The following JAK2 variants were observed in gnomAD, a reference collection of about 807,000 sequenced individuals.
JAK2 encodes the protein Janus kinase 2.
In JAK2, 86 loss-of-function variants were observed where a neutral mutation model predicts 139.3. The observed-to-expected ratio is 0.62, with a 90% confidence interval of 0.52 to 0.74. The LOEUF (loss-of-function observed/expected upper bound fraction) is 0.74. Among genes scored for constraint, JAK2 ranks in the 30% least tolerant of loss-of-function variants. The pLI is 0.00. For missense variants in JAK2, 1,421 were observed against 1,360.3 expected, an observed-to-expected ratio of 1.04 and a Z score of -0.70; for synonymous variants, 490 against 437.7, an observed-to-expected ratio of 1.12 and a Z score of -1.49.
At chr9:5,044,578 A>G in intron 5 of JAK2, 58 bp downstream of exon 5, 5 of 1,090,034 alleles carry the variant, frequency 4.6e-6, no homozygotes, top group Non-Finnish European at 6.7e-6. Flanking sequence ...TTGCTGTTTA[A>G]TAAGTCACTT....
At chr9:5,039,932 A>G (rs1816359360) in intron 4 of JAK2, among the ~76,000 whole-genome samples, 2 of 152,228 alleles carry the variant, frequency 1.3e-5, no homozygotes, top group Admixed American at 1.3e-4. Context: ...GAATTCCTAA[A>G]TGTCTTTATT....
intron 22 of JAK2, chr9:5,100,824 C>T (rs944923678): frequency 1.3e-5 from 2 of 152,370 alleles, no homozygotes; most frequent in Admixed American, 1.3e-4. Flanking sequence ...GCTCAACATT[C>T]TTTACAGCCA....
intron 22 of JAK2, among the ~76,000 whole-genome samples, chr9:5,122,190 A>C (rs1823671105): frequency 6.6e-6 from 1 of 152,136 alleles, no homozygotes; most frequent in Non-Finnish European, 1.5e-5. Context: ...TTTTAATATC[A>C]GTCTAAAACA....
intron 14 of JAK2, among the ~76,000 whole-genome samples, chr9:5,074,609 C>T (rs1563978571): frequency 6.6e-6 from 1 of 152,174 alleles, no homozygotes; most frequent in African/African-American, 2.4e-5. Context: ...CATCAATGAG[C>T]CATTCCTCTG....
chr9:5,122,911 T>G (rs561941487), intron 22 of JAK2, 93 bp from the exon 23 acceptor site: 21 of 405,148 alleles, frequency 5.2e-5, no homozygotes, highest in African/African-American at 3.5e-4. Flanking sequence ...TCTCTACATG[T>G]TTTTTTTTTT....
At chr9:5,042,736 G>C (rs903706542) in intron 4 of JAK2, among the ~76,000 whole-genome samples, 1 of 152,198 alleles carries the variant, frequency 6.6e-6, no homozygotes, top group Non-Finnish European at 1.5e-5. Flanking sequence ...ACCTGGGAGG[G>C]ACACAGGCAT....
intron 5 of JAK2, among the ~76,000 whole-genome samples, chr9:5,045,000 T>G (rs1347675305): frequency 6.6e-6 from 1 of 152,234 alleles, no homozygotes; most frequent in Non-Finnish European, 1.5e-5. Context: ...ATGTTGATAC[T>G]TAGTCTAAGA....
At chr9:5,007,442 T>A (rs1264642610) in intron 2 of JAK2, among the ~76,000 whole-genome samples, 1 of 152,118 alleles carries the variant, frequency 6.6e-6, no homozygotes, top group East Asian at 1.9e-4. Flanking sequence ...CATAAGAGAT[T>A]TTTAATTTAG....
chr9:5,075,678 T>C (rs1032911100), intron 14 of JAK2, among the ~76,000 whole-genome samples: 5 of 152,172 alleles, frequency 3.3e-5, no homozygotes, highest in Non-Finnish European at 5.9e-5. Context: ...AGAGCTCTGA[T>C]GGAGATGTAC....
chr9:5,070,428 C>G (rs1818879528), intron 12 of JAK2, among the ~76,000 whole-genome samples: 1 of 151,916 alleles, frequency 6.6e-6, no homozygotes. Context: ...TCTCAGTGTC[C>G]ATGAGGGATT....
At chr9:5,040,681 T>A (rs1227374452) in intron 4 of JAK2, among the ~76,000 whole-genome samples, 1 of 152,236 alleles carries the variant, frequency 6.6e-6, no homozygotes, top group Non-Finnish European at 1.5e-5. Context: ...CCAAATAAGA[T>A]ATACAAATGG....
chr9:4,984,545 G>A (rs1039950217), upstream of JAK2: 1 of 152,410 alleles, frequency 6.6e-6, no homozygotes, highest in African/African-American at 2.4e-5. Flanking sequence ...TCAGGCTCTC[G>A]AGGGCGCATT....
intron 4 of JAK2, among the ~76,000 whole-genome samples, chr9:5,040,670 TC>T (rs1046082592): frequency 2.0e-5 from 3 of 152,242 alleles, no homozygotes; most frequent in Admixed American, 6.5e-5. Context: ...TAGACATTTT[TC>T]CAAATAAGAT....
Position 5,127,064 on chromosome 9 carries a change from G to GA in JAK2, c.*281dup, listed in dbSNP as rs927109232. The GA allele has an allele frequency of 2.7e-5, 7 of 260,284 alleles. No individual in the cohort carries two copies. The highest frequency in any genetic ancestry group is 1.3e-4 in the South Asian group (1 of 7,988). 16.1% of individuals were successfully genotyped at this position (260,284 alleles called of 1,614,324 possible). A position where few individuals can be genotyped will look rare whatever the true frequency, so the allele number is the denominator to read the frequency against. ...TTAACATCACTCTTGTCTGGCAAAA[G>GA]AAAAAAAATAGACTTTTTCAACTCA... On this transcript the variant is annotated 3_prime_UTR_variant, in exon 25 of 25. Coordinates refer to ENST00000381652, the MANE Select transcript of JAK2 (RefSeq NM_004972.4).
At chr9:4,993,361 C>A (rs933646566) in intron 2 of JAK2, among the ~76,000 whole-genome samples, 1 of 152,136 alleles carries the variant, frequency 6.6e-6, no homozygotes, top group African/African-American at 2.4e-5. Flanking sequence ...ACTTTGCTGG[C>A]TGAAAAGATT....
chr9:5,073,358 G>A (rs1819098444), intron 13 of JAK2, among the ~76,000 whole-genome samples: 1 of 152,134 alleles, frequency 6.6e-6, no homozygotes, highest in Non-Finnish European at 1.5e-5. Flanking sequence ...ATCTACCTCA[G>A]TTTCCTATAT....
intron 22 of JAK2, chr9:5,114,765 T>G: frequency 3.1e-6 from 1 of 327,000 alleles, no homozygotes; most frequent in South Asian, 2.7e-5. Context: ...AGCGACTGGC[T>G]CACAGACCGT....
intron 22 of JAK2, chr9:5,097,886 G>A (rs1329169723): frequency 2.0e-5 from 3 of 152,074 alleles, no homozygotes; most frequent in Admixed American, 6.5e-5. Context: ...TCAGACCTAC[G>A]CTAAAATTCA....
chr9:5,022,088 A>C lies in JAK2; in HGVS notation c.101A>C (p.Gln34Pro). 1 of 1,613,844 alleles carries C rather than the reference A, an allele frequency of 6.2e-7. No individual in the cohort carries two copies. Among genetic ancestry groups the C allele is most frequent in the East Asian group, 2.2e-5 (1 of 44,890 alleles). The change falls in exon 3 of 25, where the codon CAA becomes CCA. Residue 34 changes from glutamine (Q) to proline (P), a missense_variant. By Grantham distance (76) the Gln-to-Pro change is moderately conservative. Coordinates refer to ENST00000381652, the MANE Select transcript of JAK2 (RefSeq NM_004972.4). Reference protein sequence around the residue: ...DISGNANSMKQIDPVLQVYLY... With the variant: ...DISGNANSMKPIDPVLQVYLY... ...TCTGGAAATGCCAATTCTATGAAGC[A>C]AATAGATCCAGTTCTTCAGGTGTAT...
Sources: allele counts gnomAD v4.1 joint callset (sites outside exome capture counted in the v4.1 genomes callset), GRCh38; gene constraint gnomAD v4.1.1; transcripts MANE v1.5; gene names NCBI Gene and HGNC (gene_info 2026-07-23, HGNC 2026-07-21).